Variants in LCLAT1 observed in about 807,000 individuals in gnomAD.
The protein encoded by LCLAT1 is lysocardiolipin acyltransferase 1.
Under a neutral mutation model 30.7 loss-of-function variants are expected in LCLAT1, and 11 were observed. The ratio of observed to expected loss-of-function variants is 0.36; its 90% CI spans 0.23 to 0.59. LCLAT1 has a LOEUF of 0.59. Among genes scored for constraint, LCLAT1 ranks in the 20% least tolerant of loss-of-function variants. LCLAT1 has a pLI of 0.77. For missense variants in LCLAT1, 402 were observed against 458.6 expected (o/e 0.88, Z 1.13); for synonymous variants, 155 against 151.3 (o/e 1.02, Z -0.18).
At chr2:30,564,892 C>G (rs187184119) in intron 4 of LCLAT1, among the ~76,000 whole-genome samples, 1 of 152,118 alleles carries the variant, frequency 6.6e-6, no homozygotes, top group Non-Finnish European at 1.5e-5. Context: ...TTGGTTATAA[C>G]TTTTTAATGG....
At chr2:30,574,641 A>G (rs1665916181) in intron 5 of LCLAT1, among the ~76,000 whole-genome samples, 1 of 152,212 alleles carries the variant, frequency 6.6e-6, no homozygotes, top group Non-Finnish European at 1.5e-5. Context: ...CTCAACTCTA[A>G]AGGTACGGGT....
At chr2:30,566,012 C>T (rs553385579) in intron 4 of LCLAT1, among the ~76,000 whole-genome samples, 8 of 152,096 alleles carry the variant, frequency 5.3e-5, no homozygotes, top group South Asian at 2.1e-4. Flanking sequence ...GTCCCATGGG[C>T]GGAAGGAGTG....
At chr2:30,503,366 A>T (rs1222944244) in intron 1 of LCLAT1, among the ~76,000 whole-genome samples, 1 of 152,058 alleles carries the variant, frequency 6.6e-6, no homozygotes, top group Non-Finnish European at 1.5e-5. Context: ...TTTTGTGTGG[A>T]CATATGTTTT....
intron 1 of LCLAT1, among the ~76,000 whole-genome samples, chr2:30,477,248 A>G (rs1683090758): frequency 1.3e-5 from 2 of 152,208 alleles, no homozygotes; most frequent in South Asian, 4.1e-4. Flanking sequence ...GACTAAATAG[A>G]AATCGATTTC....
At chr2:30,534,862 A>T (rs937927943) in intron 3 of LCLAT1, among the ~76,000 whole-genome samples, 1 of 152,176 alleles carries the variant, frequency 6.6e-6, no homozygotes, top group Admixed American at 6.5e-5. Flanking sequence ...CTCAGTATTT[A>T]AAAAACTGCC....
At chr2:30,506,497 G>T (rs542332354) in intron 1 of LCLAT1, among the ~76,000 whole-genome samples, 1 of 152,100 alleles carries the variant, frequency 6.6e-6, no homozygotes, top group African/African-American at 2.4e-5. Context: ...GGAATTTAAA[G>T]TTTTTTATAA....
intron 5 of LCLAT1, among the ~76,000 whole-genome samples, chr2:30,601,398 A>G (rs931775597): frequency 3.3e-5 from 5 of 152,280 alleles, no homozygotes; most frequent in South Asian, 2.1e-4. Context: ...AGCTGTTGTA[A>G]TATTTCTAGG....
intron 1 of LCLAT1, among the ~76,000 whole-genome samples, chr2:30,475,288 G>A (rs889512883): frequency 2.6e-5 from 4 of 152,230 alleles, no homozygotes; most frequent in African/African-American, 9.6e-5. Context: ...ATTGAGTCAT[G>A]GTCCCTTACT....
intron 5 of LCLAT1, among the ~76,000 whole-genome samples, chr2:30,595,540 C>CTGTT (rs1035857455): frequency 4.6e-5 from 7 of 152,166 alleles, no homozygotes; most frequent in Non-Finnish European, 1.0e-4. Context: ...CCATTCCTCC[C>CTGTT]TGTTTCATTC....
rs76111183 is a variant in LCLAT1 at position 30,611,529 on chromosome 2, C to G, written c.629-28588C>G. On this transcript the variant is annotated intron_variant, in intron 5 of 5. Coordinates refer to ENST00000379509, the MANE Select transcript of LCLAT1 (RefSeq NM_001002257.3). ...CTAAGAGTTGTTAACTGTTCTTTCT[C>G]TCTCCCCCTGACTCTGCTCTGCCCC... Among the ~76,000 whole-genome samples, 1,520 of 152,024 alleles carry G rather than the reference C, an allele frequency of 1.0e-2. 22 individuals are homozygous for G. The highest frequency in any genetic ancestry group is 0.034 in the African/African-American group (1,397 of 41,522).
chr2:30,544,416 A>G (rs2148414421), intron 3 of LCLAT1, among the ~76,000 whole-genome samples: 1 of 152,284 alleles, frequency 6.6e-6, no homozygotes, highest in South Asian at 2.1e-4. Flanking sequence ...GAGATTACTT[A>G]GTTTCTCTTT....
chr2:30,633,358 A>G (rs1175940904), intron 5 of LCLAT1, among the ~76,000 whole-genome samples: 1 of 152,234 alleles, frequency 6.6e-6, no homozygotes, highest in Non-Finnish European at 1.5e-5. Flanking sequence ...TTTTTATTTT[A>G]ATTTTTTTAA....
chr2:30,513,033 G>A (rs1478505567), intron 1 of LCLAT1, among the ~76,000 whole-genome samples: 1 of 152,074 alleles, frequency 6.6e-6, no homozygotes, highest in Admixed American at 6.5e-5. Flanking sequence ...TTAATTTACA[G>A]TCTTAGTAGC....
At chr2:30,579,505 C>G (rs1041215029) in intron 5 of LCLAT1, among the ~76,000 whole-genome samples, 1 of 151,980 alleles carries the variant, frequency 6.6e-6, no homozygotes, top group African/African-American at 2.4e-5. Flanking sequence ...AGTATATGAT[C>G]CGGTGTCACA....
chr2:30,620,618 T>A (rs1464216083), intron 5 of LCLAT1, among the ~76,000 whole-genome samples: 1 of 152,192 alleles, frequency 6.6e-6, no homozygotes, highest in African/African-American at 2.4e-5. Context: ...TATGCCACTT[T>A]ATAATTCAAA....
intron 1 of LCLAT1, among the ~76,000 whole-genome samples, chr2:30,511,067 T>G (rs376115355): frequency 2.0e-5 from 3 of 152,166 alleles, no homozygotes; most frequent in East Asian, 3.9e-4. Context: ...TAATGTCATG[T>G]TAGAGTGTTT....
At chr2:30,600,700 C>T (rs1035569641) in intron 5 of LCLAT1, among the ~76,000 whole-genome samples, 1 of 152,074 alleles carries the variant, frequency 6.6e-6, no homozygotes, top group Non-Finnish European at 1.5e-5. Context: ...CTCTTTCTGG[C>T]TGCCCTTATC....
intron 5 of LCLAT1, among the ~76,000 whole-genome samples, chr2:30,631,355 C>T (rs138689253): frequency 6.6e-6 from 1 of 152,132 alleles, no homozygotes; most frequent in African/African-American, 2.4e-5. Flanking sequence ...TGAACCAGTC[C>T]CCAGTAACGG....
intron 1 of LCLAT1, among the ~76,000 whole-genome samples, chr2:30,514,554 C>G (rs1405534020): frequency 6.6e-6 from 1 of 152,156 alleles, no homozygotes; most frequent in South Asian, 2.1e-4. Context: ...CAAGAGCCCT[C>G]TGTAAAGTTC....
Sources: allele counts gnomAD v4.1 joint callset (sites outside exome capture counted in the v4.1 genomes callset), GRCh38; gene constraint gnomAD v4.1.1; transcripts MANE v1.5; gene names NCBI Gene and HGNC (gene_info 2026-07-23, HGNC 2026-07-21).